UGGT2: variants seen among roughly 807,000 people sequenced by gnomAD.
The protein encoded by UGGT2 is UDP-glucose glycoprotein glucosyltransferase 2.
UGGT2 carries 180 observed loss-of-function variants against 192.1 expected under a neutral mutation model. The observed-to-expected ratio is 0.94, with a 90% CI of 0.83 to 1.06. UGGT2 has a LOEUF of 1.06. Ranked by LOEUF, UGGT2 falls within the 50% of genes least tolerant of loss-of-function variation. The probability of loss-of-function intolerance (pLI) is 0.00; values close to 1 mark genes in which losing one functional copy is unlikely to be tolerated. For synonymous variants in UGGT2, 580 were observed against 591.0 expected, an observed-to-expected ratio of 0.98 and a Z score of 0.27; for missense variants, 1,849 against 1,795.7, an observed-to-expected ratio of 1.03 and a Z score of -0.54.
At position 95,922,851 on chromosome 13, in the gene UGGT2, A is replaced by G. The variant is rs558671933; in HGVS notation, c.2295+2829T>C. On this transcript the variant is annotated intron_variant, in intron 20 of 38. Transcript: ENST00000376747. Reference sequence around the variant, plus strand: ...AAACAAAACAAAATAAAACAAAACAAAACAAAAAAATTTAAAAAAAGAAAC... The same window carrying G: ...AAACAAAACAAAATAAAACAAAACAGAACAAAAAAATTTAAAAAAAGAAAC... Among the ~76,000 whole-genome samples, 8 of 152,234 alleles carry G rather than the reference A, an allele frequency of 5.3e-5. No homozygotes were observed. In the East Asian group the frequency reaches 1.5e-3, roughly 29 times the overall value.
At chr13:95,924,788 C>T (rs73558693) in intron 20 of UGGT2, among the ~76,000 whole-genome samples, 2,738 of 152,292 alleles carry the variant, frequency 0.018, 81 homozygotes, top group African/African-American at 0.063. Context: ...GAATGAAGCA[C>T]TCTGCTAAAA....
chr13:95,929,033 A>C, intron 17 of UGGT2, among the ~76,000 whole-genome samples: 1 of 152,088 alleles, frequency 6.6e-6, no homozygotes, highest in East Asian at 1.9e-4. Context: ...TCTCCACCAA[A>C]AAATACGAAA....
chr13:95,904,259 TCTCTA>T (rs990666616), intron 20 of UGGT2, among the ~76,000 whole-genome samples: 33 of 152,142 alleles, frequency 2.2e-4, no homozygotes, highest in Non-Finnish European at 4.1e-4. Flanking sequence ...TAGAAACCTT[TCTCTA>T]CTCTAAAGTA....
At chr13:95,942,664 T>C (rs929292412) in intron 15 of UGGT2, among the ~76,000 whole-genome samples, 2 of 152,166 alleles carry the variant, frequency 1.3e-5, no homozygotes, top group Non-Finnish European at 2.9e-5. Flanking sequence ...TCTTTTTGAA[T>C]TGTAGAAAAT....
intron 37 of UGGT2, 76 bp downstream of exon 37, chr13:95,837,010 G>A: frequency 8.5e-7 from 1 of 1,175,960 alleles, no homozygotes; most frequent in Non-Finnish European, 1.3e-6. Flanking sequence ...CACTCCCTTT[G>A]TAAAACAGAA....
At position 95,854,417 on chromosome 13, in the gene UGGT2, C is replaced by T; in HGVS notation, c.4067G>A (p.Gly1356Glu). The T allele has an allele frequency of 6.2e-7, 1 of 1,613,524 alleles. No homozygotes were observed. Among genetic ancestry groups the T allele is most frequent in the Non-Finnish European group, 8.5e-7 (1 of 1,179,770 alleles). ...RDFDLDGAPY[G>E]YTPFCDSRRE... is the part of the protein sequence containing the mutation. The stretch of plus-strand genomic sequence containing the variant: ...GCGGCTATCACAAAATGGAGTATAC[C>T]CATAAGGAGCTCCATCCAGATCGAA... Residue 1356 changes from glycine to glutamate, a missense_variant, in exon 35 of 39, where the codon GGG becomes GAG. Gly to Glu is a moderately conservative substitution (Grantham distance 98). Coordinates refer to ENST00000376747, the MANE Select transcript of UGGT2 (RefSeq NM_020121.4).
Position 95,856,254 on chromosome 13 carries a change from A to G in UGGT2, c.3912T>C (p.Thr1304=). Residue 1304 remains threonine, a synonymous_variant, in exon 34 of 39, where the codon ACT becomes ACC. Transcript: ENST00000376747. ...AACCCCAAATAATCCTCTGTCTTTC[A>G]GTCTGTTGACGAAGCCAACGGGGCC... ...YRWPRWLRQQ[T]ERQRIIWGYK... 6.2e-7 allele frequency: 1 copy of G among 1,613,734 alleles called. No individual in the cohort carries two copies.
intron 10 of UGGT2, among the ~76,000 whole-genome samples, chr13:95,977,605 ATTAG>A (rs1345671598): frequency 2.0e-5 from 3 of 152,238 alleles, no homozygotes; most frequent in Non-Finnish European, 4.4e-5. Context: ...GGGAATTTAA[ATTAG>A]TTAAACCATT....
intron 19 of UGGT2, among the ~76,000 whole-genome samples, chr13:95,926,608 TC>T (rs1190108701): frequency 6.6e-6 from 1 of 152,210 alleles, no homozygotes; most frequent in East Asian, 1.9e-4. Flanking sequence ...AAATCCTTTT[TC>T]CCAAGTGTGT....
In UGGT2 at chr13:95,999,294, C is replaced by T. The variant is rs1056341076; in HGVS notation, c.674G>A (p.Arg225Gln). ...LRHYIQKPSS[R>Q]KMYLSGYGVE... is the part of the protein sequence containing the mutation. ...ACCATACCCAGATAAGTACATTTTC[C>T]GTGAGCTTGGTTTCTGTTCAAACAC... Residue 225 changes from arginine (R) to glutamine (Q), a missense_variant, in exon 6 of 39, where the codon CGG becomes CAG. Transcript: ENST00000376747. 8.7e-6 allele frequency: 14 copies of T among 1,613,138 alleles called. No individual in the cohort carries two copies. The highest frequency in any genetic ancestry group is 2.2e-5 in the East Asian group (1 of 44,794).
At chr13:95,941,011 T>C (rs2049660578) in intron 15 of UGGT2, among the ~76,000 whole-genome samples, 1 of 152,212 alleles carries the variant, frequency 6.6e-6, no homozygotes. Flanking sequence ...CTCATTTCTT[T>C]CTTTAATAAG....
At chr13:95,833,767 T>C (rs1429173336) in intron 37 of UGGT2, among the ~76,000 whole-genome samples, 1 of 152,150 alleles carries the variant, frequency 6.6e-6, no homozygotes, top group African/African-American at 2.4e-5. Flanking sequence ...ACCAGTACCT[T>C]TGGCTTGAGC....
At chr13:95,919,941 C>T (rs1434165180) in intron 20 of UGGT2, among the ~76,000 whole-genome samples, 1 of 152,056 alleles carries the variant, frequency 6.6e-6, no homozygotes, top group Admixed American at 6.6e-5. Flanking sequence ...ATCATGCTAC[C>T]CAACTTCAAA....
At chr13:95,820,656 G>C (rs1885416610) in intron 38 of UGGT2, among the ~76,000 whole-genome samples, 1 of 151,872 alleles carries the variant, frequency 6.6e-6, no homozygotes, top group South Asian at 2.1e-4. Context: ...TCGGTTACTT[G>C]GATGAATTCC....
At chr13:96,047,084 A>C (rs188167060) in intron 1 of UGGT2, among the ~76,000 whole-genome samples, 1 of 152,312 alleles carries the variant, frequency 6.6e-6, no homozygotes, top group Non-Finnish European at 1.5e-5. Flanking sequence ...ACTTCTGCAC[A>C]CTTATATGTC....
chr13:95,838,775 C>T (rs7981923), intron 36 of UGGT2, among the ~76,000 whole-genome samples: 55,222 of 151,802 alleles, frequency 0.36, 10,441 homozygotes, highest in Non-Finnish European at 0.42. Flanking sequence ...CCTTAAATAA[C>T]CTGGCCTACC....
chr13:96,035,414 A>C (rs899014652), intron 1 of UGGT2, among the ~76,000 whole-genome samples: 1 of 152,230 alleles, frequency 6.6e-6, no homozygotes, highest in East Asian at 1.9e-4. Flanking sequence ...AATTAACTCA[A>C]GATGAATTAG....
At chr13:95,802,283 C>T (rs904493308) in intron 38 of UGGT2, among the ~76,000 whole-genome samples, 1 of 152,152 alleles carries the variant, frequency 6.6e-6, no homozygotes, top group Admixed American at 6.5e-5. Context: ...TAAATGCAAG[C>T]ACAATTCTGA....
At chr13:95,972,164 C>G (rs2050793701) in intron 11 of UGGT2, among the ~76,000 whole-genome samples, 1 of 149,944 alleles carries the variant, frequency 6.7e-6, no homozygotes. Context: ...GACAAGAAAC[C>G]AGATAGCATC....
Sources: gnomAD v4.1 joint callset for allele counts (sites outside exome capture counted in the v4.1 genomes callset) on GRCh38, gnomAD v4.1.1 for gene constraint, MANE v1.5 for transcripts, NCBI Gene and HGNC (gene_info 2026-07-23, HGNC 2026-07-21) for gene names.